Variants in NALCN observed in about 807,000 individuals in gnomAD.
NALCN encodes the protein sodium leak channel, non-selective.
NALCN carries 111 observed loss-of-function variants against 225.3 expected under a neutral mutation model. The observed-to-expected ratio is 0.49, with a 90% confidence interval of 0.42 to 0.58. The LOEUF (loss-of-function observed/expected upper bound fraction) is 0.58. NALCN is among the 20% of genes least tolerant of loss of function. The pLI, the probability that NALCN is intolerant of heterozygous loss-of-function variation, is 0.00. For missense variants in NALCN, 1,378 were observed against 2,202.4 expected (o/e 0.63, Z 7.49); for synonymous variants, 764 against 769.0 (o/e 0.99, Z 0.11).
intron 18 of NALCN, among the ~76,000 whole-genome samples, chr13:101,111,535 G>A (rs985894904): frequency 4.6e-5 from 7 of 152,064 alleles, no homozygotes; most frequent in Non-Finnish European, 1.0e-4. Flanking sequence ...GACACCATAA[G>A]CAGAAGGCCA....
intron 7 of NALCN, among the ~76,000 whole-genome samples, chr13:101,338,404 G>A (rs192364136): frequency 6.6e-6 from 1 of 152,210 alleles, no homozygotes; most frequent in African/African-American, 2.4e-5. Flanking sequence ...GCATGATAGC[G>A]ATTTACTTCC....
chr13:101,061,187 C>T (rs16958205), intron 41 of NALCN, among the ~76,000 whole-genome samples: 12,372 of 152,164 alleles, frequency 0.081, 690 homozygotes, highest in African/African-American at 0.15. Context: ...GTTAGAGAAT[C>T]TTATAGGCTT....
intron 7 of NALCN, among the ~76,000 whole-genome samples, chr13:101,302,253 A>G (rs1306357733): frequency 6.6e-6 from 1 of 152,192 alleles, no homozygotes; most frequent in East Asian, 1.9e-4. Flanking sequence ...AAATGCAAAA[A>G]TTAACAATAA....
intron 43 of NALCN, 168 bp downstream of exon 43, chr13:101,057,771 A>C (rs2031441518): frequency 1.5e-6 from 1 of 654,534 alleles, no homozygotes; most frequent in Non-Finnish European, 2.7e-6. Flanking sequence ...TAGAGAAGTT[A>C]TTTTGGGGGA....
At chr13:101,073,268 A>G (rs1201125896) in intron 37 of NALCN, among the ~76,000 whole-genome samples, 1 of 152,176 alleles carries the variant, frequency 6.6e-6, no homozygotes, top group Non-Finnish European at 1.5e-5. Context: ...CTATCCACTG[A>G]ACACATTAAA....
chr13:101,403,270 T>C (rs1302674272), intron 1 of NALCN, among the ~76,000 whole-genome samples: 1 of 152,220 alleles, frequency 6.6e-6, no homozygotes, highest in Non-Finnish European at 1.5e-5. Context: ...ACGAACTGCC[T>C]ACTTTATTTA....
chr13:101,106,951 T>C (rs1380433059), intron 22 of NALCN, among the ~76,000 whole-genome samples: 1 of 152,240 alleles, frequency 6.6e-6, no homozygotes, highest in Non-Finnish European at 1.5e-5. Context: ...GTGTCTTCAA[T>C]GTCCACTCTA....
Position 101,059,893 on chromosome 13 carries a change from G to T in NALCN, c.4830C>A (p.Asn1610Lys), listed in dbSNP as rs199584378. ...SQQQELSRFL[N>K]PPSIETTQPS... ...GCTGGGTGGTCTCGATGCTGGGCGG[G>T]TTCAGAAACCGGCTCAGCTCTTGCT... Residue 1610 changes from asparagine to lysine, a missense_variant, in exon 42 of 44, where the codon AAC becomes AAA. By Grantham distance (94) the Asn-to-Lys change is moderately conservative (BLOSUM62 0). This residue lies in a region of NALCN where 94 missense variants were observed against 170.3 expected (regional missense o/e 0.55). Coordinates refer to ENST00000251127, the MANE Select transcript of NALCN (RefSeq NM_052867.4). The T allele has an allele frequency of 3.3e-5, 54 of 1,613,914 alleles. No homozygotes were observed. Among genetic ancestry groups the T allele is most frequent in the Non-Finnish European group, 2.4e-5 (28 of 1,180,020 alleles).
chr13:101,212,740 T>C (rs558273828), intron 13 of NALCN, among the ~76,000 whole-genome samples: 2 of 152,036 alleles, frequency 1.3e-5, no homozygotes, highest in Non-Finnish European at 1.5e-5. Flanking sequence ...CAAAAGACTG[T>C]GAGGCTGCGG....
intron 6 of NALCN, among the ~76,000 whole-genome samples, chr13:101,367,185 TAGAA>T (rs1287381143): frequency 4.6e-5 from 7 of 152,024 alleles, no homozygotes; most frequent in Admixed American, 2.0e-4. Flanking sequence ...TCTGCAGTTG[TAGAA>T]AGAAACTCAC....
chr13:101,333,031 A>G (rs981628441), intron 7 of NALCN, among the ~76,000 whole-genome samples: 1 of 152,172 alleles, frequency 6.6e-6, no homozygotes, highest in African/African-American at 2.4e-5. Context: ...TATTAACATC[A>G]TTCTATTTTC....
At chr13:101,365,395 G>A (rs2046353788) in intron 6 of NALCN, among the ~76,000 whole-genome samples, 1 of 152,054 alleles carries the variant, frequency 6.6e-6, no homozygotes, top group Non-Finnish European at 1.5e-5. Context: ...TCTCATGGCT[G>A]CATAGCATTC....
chr13:101,353,961 G>A (rs539177521), intron 6 of NALCN, among the ~76,000 whole-genome samples: 2 of 152,138 alleles, frequency 1.3e-5, no homozygotes, highest in Non-Finnish European at 2.9e-5. Flanking sequence ...TGCCAGTATG[G>A]ATAAGGGACA....
At position 101,113,441 on chromosome 13, in the gene NALCN, G is replaced by A. The variant is rs575443951; in HGVS notation, c.2193-2215C>T. On this transcript the variant is annotated intron_variant, in intron 18 of 43. Coordinates refer to ENST00000251127, the MANE Select transcript of NALCN (RefSeq NM_052867.4). The stretch of plus-strand genomic sequence containing the variant: ...AGCCATTGTCACATTTGTTGGTCAT[G>A]TAAGAAATTTTGCTATTTTGGAAAA... Among the ~76,000 whole-genome samples the A allele has an allele frequency of 2.0e-5, 3 of 152,322 alleles. No individual in the cohort carries two copies. The South Asian group carries it at 6.2e-4, about 32-fold the overall frequency.
At chr13:101,187,050 G>GC (rs200884089) in intron 14 of NALCN, among the ~76,000 whole-genome samples, 80 of 151,570 alleles carry the variant, frequency 5.3e-4, no homozygotes, top group East Asian at 2.5e-3. Flanking sequence ...AATACAGTAG[G>GC]CCCCCCCCTT....
intron 6 of NALCN, among the ~76,000 whole-genome samples, chr13:101,372,123 A>G (rs1382164877): frequency 6.6e-6 from 1 of 152,204 alleles, no homozygotes; most frequent in Non-Finnish European, 1.5e-5. Flanking sequence ...TTCAAAATTC[A>G]TGACGATAAA....
chr13:101,199,991 C>G (rs1183844373), intron 13 of NALCN, among the ~76,000 whole-genome samples: 1 of 152,006 alleles, frequency 6.6e-6, no homozygotes, highest in East Asian at 1.9e-4. Flanking sequence ...TTACAGAGCT[C>G]CAGTACTTGA....
rs1433350523 is a variant in NALCN, at chr13:101,242,559, T to C, written c.1267-4637A>G. 1.9e-5 allele frequency among the ~76,000 whole-genome samples: 2 copies of C among 105,878 alleles called. 1 individual carries two copies. The highest frequency in any genetic ancestry group is 4.2e-5 in the Non-Finnish European group (2 of 47,384). The allele number at this position is 105,878 out of a possible 152,430, so 69.5% of individuals were successfully genotyped here. On this transcript the variant is annotated intron_variant, in intron 11 of 43. Transcript: ENST00000251127. Reference sequence around the variant, plus strand: ...CTAAGTCCTGGTTTTGCTGAAATCATTTACAAATTTATTACTAGTTTCTTT... The same window carrying C: ...CTAAGTCCTGGTTTTGCTGAAATCACTTACAAATTTATTACTAGTTTCTTT...
intron 28 of NALCN, 127 bp from the exon 29 acceptor site, chr13:101,090,093 TAC>T (rs752055365): frequency 1.3e-4 from 172 of 1,329,932 alleles, no homozygotes; most frequent in Non-Finnish European, 1.6e-4. Flanking sequence ...CACACATATA[TAC>T]ACACACACGT....
Sources: allele counts gnomAD v4.1 joint callset (sites outside exome capture counted in the v4.1 genomes callset), GRCh38; gene constraint gnomAD v4.1.1; regional missense constraint gnomAD v4.1.1; transcripts MANE v1.5; gene names NCBI Gene and HGNC (gene_info 2026-07-23, HGNC 2026-07-21).